Variants in NEK10 observed in about 807,000 individuals in gnomAD.
The protein encoded by NEK10 is NIMA related kinase 10.
Under a neutral mutation model 159.8 loss-of-function variants are expected in NEK10, and 122 were observed. The ratio of observed to expected loss-of-function variants is 0.76; its 90% CI spans 0.66 to 0.89. The LOEUF (loss-of-function observed/expected upper bound fraction) is 0.89, where lower values mean the gene tolerates loss of function less well. Ranked by LOEUF, NEK10 falls within the 40% of genes least tolerant of loss-of-function variation. The pLI is 0.00. For missense variants in NEK10, 1,342 were observed against 1,323.1 expected, an observed-to-expected ratio of 1.01 and a Z score of -0.22; for synonymous variants, 466 against 457.1, an observed-to-expected ratio of 1.02 and a Z score of -0.25.
At chr3:27,136,865 G>A (rs1199871381) in intron 31 of NEK10, among the ~76,000 whole-genome samples, 3 of 152,178 alleles carry the variant, frequency 2.0e-5, no homozygotes, top group Non-Finnish European at 4.4e-5. Flanking sequence ...TGGTTGTCAG[G>A]AGATATGTGG....
chr3:27,356,383 G>A (rs908270785), intron 1 of NEK10, among the ~76,000 whole-genome samples: 3 of 152,132 alleles, frequency 2.0e-5, no homozygotes, highest in Admixed American at 1.3e-4. Context: ...GTGGTGGTGT[G>A]TACCTGTAGT....
chr3:27,240,943 C>T (rs113629390), intron 23 of NEK10, among the ~76,000 whole-genome samples: 1,755 of 152,194 alleles, frequency 0.012, 10 homozygotes, highest in South Asian at 0.021. Flanking sequence ...CATGAGCCAC[C>T]ATGCCTGGCC....
intron 25 of NEK10, chr3:27,194,328 C>G (rs1161691348): frequency 6.6e-6 from 1 of 151,982 alleles, no homozygotes; most frequent in Non-Finnish European, 1.5e-5. Flanking sequence ...GGGGTTTCAT[C>G]GTGGTCTCAA....
intron 23 of NEK10, among the ~76,000 whole-genome samples, chr3:27,219,954 A>T (rs1446002335): frequency 5.3e-5 from 8 of 152,258 alleles, no homozygotes; most frequent in Non-Finnish European, 1.2e-4. Flanking sequence ...TGAAATTAAG[A>T]AAACAATTTA....
rs191726550 is a variant in NEK10 at position 27,207,093 on chromosome 3, G to A, written c.2091-4536C>T. Reference sequence around the variant, plus strand: ...TCCAGGGTGACTACTCTGCATCCCAGGGAACCTTTCTGATGTCAAGAGCTA... The same window carrying A: ...TCCAGGGTGACTACTCTGCATCCCAAGGAACCTTTCTGATGTCAAGAGCTA... On this transcript the variant is annotated intron_variant, in intron 23 of 35. Coordinates refer to ENST00000691995, the MANE Select transcript of NEK10 (RefSeq NM_001394966.1). Among the ~76,000 whole-genome samples the A allele has an allele frequency of 2.7e-3, 408 of 152,262 alleles. 4 individuals are homozygous for A. The highest frequency in any genetic ancestry group is 9.5e-3 in the African/African-American group (396 of 41,530).
chr3:27,186,863 T>C (rs62255218), intron 26 of NEK10, among the ~76,000 whole-genome samples: 34,567 of 152,046 alleles, frequency 0.23, 4,266 homozygotes, highest in Middle Eastern at 0.38. Flanking sequence ...CCATGGGCTG[T>C]GTGTGGTGTG....
chr3:27,295,744 GC>G, intron 14 of NEK10, 54 bp from the exon 15 acceptor site: 1 of 1,471,662 alleles, frequency 6.8e-7, no homozygotes, highest in East Asian at 2.5e-5. Flanking sequence ...TGATACACAA[GC>G]AAAAAGAGGC....
chr3:27,202,215 A>T (rs1192153516), intron 24 of NEK10, among the ~76,000 whole-genome samples: 1 of 152,118 alleles, frequency 6.6e-6, no homozygotes, highest in African/African-American at 2.4e-5. Flanking sequence ...ATAATTTTGT[A>T]TTATAAATAA....
At chr3:27,140,079 T>C (rs779392570) in intron 31 of NEK10, among the ~76,000 whole-genome samples, 19 of 152,228 alleles carry the variant, frequency 1.2e-4, no homozygotes, top group Non-Finnish European at 2.6e-4. Flanking sequence ...TTATTTAGAA[T>C]GCCTTAGCCA....
chr3:27,306,517 C>T (rs1162779905), intron 11 of NEK10, among the ~76,000 whole-genome samples: 1 of 152,092 alleles, frequency 6.6e-6, no homozygotes, highest in African/African-American at 2.4e-5. Flanking sequence ...AAACAAACAC[C>T]CCCACCTCAC....
intron 1 of NEK10, among the ~76,000 whole-genome samples, chr3:27,355,085 G>A (rs939358242): frequency 6.6e-5 from 10 of 152,342 alleles, no homozygotes; most frequent in African/African-American, 2.4e-4. Context: ...TGGAAGAGCT[G>A]TGGGTAATGA....
chr3:27,259,720 A>G (rs2040227881), intron 22 of NEK10, among the ~76,000 whole-genome samples: 3 of 152,270 alleles, frequency 2.0e-5, no homozygotes, highest in South Asian at 4.1e-4. Flanking sequence ...TTGGTTCCAT[A>G]TGAACTTTAA....
intron 30 of NEK10, among the ~76,000 whole-genome samples, chr3:27,158,706 A>T (rs1945735436): frequency 6.6e-6 from 1 of 152,188 alleles, no homozygotes; most frequent in South Asian, 2.1e-4. Flanking sequence ...GGAAAATGTC[A>T]GTGTTAATCC....
At chr3:27,250,044 T>C (rs1955492901) in intron 23 of NEK10, among the ~76,000 whole-genome samples, 1 of 152,210 alleles carries the variant, frequency 6.6e-6, no homozygotes, top group African/African-American at 2.4e-5. Context: ...TAACTTATTG[T>C]TTCTCTTTAT....
intron 23 of NEK10, among the ~76,000 whole-genome samples, chr3:27,218,851 A>C (rs999408150): frequency 6.6e-6 from 1 of 152,114 alleles, no homozygotes; most frequent in Non-Finnish European, 1.5e-5. Context: ...AAACATCCTC[A>C]GCCCAATGAA....
At chr3:27,154,044 T>C (rs1393336622) in intron 30 of NEK10, among the ~76,000 whole-genome samples, 1 of 152,014 alleles carries the variant, frequency 6.6e-6, no homozygotes, top group Admixed American at 6.6e-5. Flanking sequence ...TAAATAAAAT[T>C]GATAGACCAT....
chr3:27,269,496 G>C (rs1315476710), intron 22 of NEK10, among the ~76,000 whole-genome samples: 3 of 152,172 alleles, frequency 2.0e-5, no homozygotes, highest in Non-Finnish European at 2.9e-5. Context: ...CTTGCTGAAG[G>C]CTCAGATGAT....
chr3:27,259,695 A>C (rs1559378584), intron 22 of NEK10, among the ~76,000 whole-genome samples: 1 of 152,122 alleles, frequency 6.6e-6, no homozygotes, highest in African/African-American at 2.4e-5. Flanking sequence ...TTGACTTAGC[A>C]ATGTGGGCTC....
intron 30 of NEK10, chr3:27,143,399 T>C (rs762267469): frequency 2.7e-6 from 2 of 728,648 alleles, no homozygotes; most frequent in South Asian, 1.5e-5. Context: ...AGTTCTTAGA[T>C]CTGTGATGAC....
Sources: gnomAD v4.1 joint callset for allele counts (sites outside exome capture counted in the v4.1 genomes callset) on GRCh38, gnomAD v4.1.1 for gene constraint, MANE v1.5 for transcripts, NCBI Gene and HGNC (gene_info 2026-07-23, HGNC 2026-07-21) for gene names.